MSH6: variants seen among roughly 807,000 people sequenced by gnomAD.
MSH6 encodes mutS homolog 6, also known as DNA mismatch repair protein Msh6.
Under a neutral mutation model 119.1 loss-of-function variants are expected in MSH6, and 85 were observed. That is an observed-to-expected ratio of 0.71 (90% CI 0.60 to 0.85). MSH6 has a LOEUF of 0.85. Ranked by LOEUF, MSH6 falls within the 40% of genes least tolerant of loss-of-function variation. The pLI is 0.00. For missense variants in MSH6, 2,163 were observed against 1,655.3 expected, an observed-to-expected ratio of 1.31 and a Z score of -5.32; for synonymous variants, 830 against 586.9, an observed-to-expected ratio of 1.41 and a Z score of -5.99.
At chr2:47,783,749 CT>C in intron 1 of MSH6, 1 of 393,944 alleles carries the variant, frequency 2.5e-6, no homozygotes, top group Non-Finnish European at 3.9e-6. Context: ...GAGTTCGGGC[CT>C]TTTGGAGGGA....
Position 47,792,026 on chromosome 2 carries a change from A to G in MSH6, c.457+903A>G, listed in dbSNP as rs555556080. Among the ~76,000 whole-genome samples, 133 of 152,132 alleles carry G rather than the reference A, an allele frequency of 8.7e-4. 1 individual carries two copies. Among genetic ancestry groups the G allele is most frequent in the Non-Finnish European group, 1.2e-3 (82 of 67,982 alleles). On this transcript the variant is annotated intron_variant, in intron 2 of 9. Coordinates refer to ENST00000234420, the MANE Select transcript of MSH6 (RefSeq NM_000179.3). ...CAAGCCCAGCTAATTTTTTATTTCT[A>G]GTAGAGATGGGGTTTCACCATGTTG...
Position 47,800,486 on chromosome 2 carries a change from C to A in MSH6, c.2503C>A (p.Gln835Lys), listed in dbSNP as rs63751321. ...IHNVGSPLKS[Q>K]NHPDSRAIMY... is the part of the protein sequence containing the mutation. ...TAATGTTGGGTCTCCCCTGAAGAGT[C>A]AGAACCACCCAGACAGCAGGGCTAT... Residue 835 changes from glutamine to lysine, a missense_variant, in exon 4 of 10, where the codon CAG becomes AAG. Physicochemically the swap from Gln to Lys is moderately conservative, Grantham distance 53. Coordinates refer to ENST00000234420, the MANE Select transcript of MSH6 (RefSeq NM_000179.3). 1 of 1,613,006 alleles carries A rather than the reference C, an allele frequency of 6.2e-7. No homozygotes were observed. Among genetic ancestry groups the A allele is most frequent in the Non-Finnish European group, 8.5e-7 (1 of 1,179,756 alleles).
chr2:47,798,953 A>C lies in MSH6; in HGVS notation c.970A>C (p.Lys324Gln), dbSNP rs1413266657. 8.1e-6 allele frequency: 13 copies of C among 1,614,116 alleles called. No homozygotes were observed. The Admixed American group carries it at 2.2e-4, about 27-fold the overall frequency. ...TAGGAAGGAAACGCCCTCAGCCACCAAACAAGCAACTAGCATTTCATCAGA... is the reference window on the plus strand; with the variant it reads ...TAGGAAGGAAACGCCCTCAGCCACCCAACAAGCAACTAGCATTTCATCAGA... The part of the protein sequence containing the change: ...SSRKETPSAT[K>Q]QATSISSETK... Residue 324 changes from lysine (K) to glutamine (Q), a missense_variant, in exon 4 of 10, where the codon AAA (lysine) becomes CAA (glutamine). Transcript: ENST00000234420.
rs762872662 is a variant in MSH6, at chr2:47,800,240, TCTA to T, written c.2260_2262del (p.Thr754del). 6.2e-7 allele frequency: 1 copy of T among 1,614,200 alleles called. No homozygotes were observed. The highest frequency in any genetic ancestry group is 1.1e-5 in the South Asian group (1 of 91,084). On this transcript the variant is annotated inframe_deletion, in exon 4 of 10. Transcript: ENST00000234420. The stretch of plus-strand genomic sequence containing the variant: ...GATTTTTCTGAATGGAACAAATGGT[TCTA>T]CTGAAGGAACCCTACTAGAGAGGGT...
rs749711246 is a variant in MSH6 at position 47,800,129 on chromosome 2, A to G, written c.2146A>G (p.Thr716Ala). The part of the protein sequence containing the change: ...FEEYIPLDSD[T>A]VSTTRSGAIF... ...AGAATATATTCCCTTGGATTCTGAC[A>G]CAGTCAGCACTACAAGATCTGGTGC... Residue 716 changes from threonine (T) to alanine (A), a missense_variant, in exon 4 of 10, where the codon ACA becomes GCA. Transcript: ENST00000234420. The G allele has an allele frequency of 3.7e-6, 6 of 1,614,202 alleles. No individual in the cohort carries two copies. Among genetic ancestry groups the G allele is most frequent in the African/African-American group, 2.7e-5 (2 of 75,072 alleles).
chr2:47,809,593 A>T (rs1162605531), downstream of MSH6: 2 of 1,599,050 alleles, frequency 1.3e-6, no homozygotes, highest in Non-Finnish European at 1.7e-6. Context: ...AGCAGACTCC[A>T]ACATACCTTT....
intron 4 of MSH6, among the ~76,000 whole-genome samples, chr2:47,801,639 G>C (rs1234559726): frequency 6.6e-6 from 1 of 151,602 alleles, no homozygotes; most frequent in African/African-American, 2.4e-5. Flanking sequence ...AAAGTGCTGA[G>C]GTTACAGGCA....
At chr2:47,807,663 A>G (rs889165240), downstream of MSH6, 3 of 163,318 alleles carry the variant, frequency 1.8e-5, no homozygotes, top group Non-Finnish European at 3.5e-5. Flanking sequence ...ATCTGAATAC[A>G]TGTTAAAAAA....
chr2:47,784,153 G>T lies in MSH6; in HGVS notation c.260+660G>T, dbSNP rs569776602. The T allele has an allele frequency of 3.6e-3, 3,639 of 1,005,314 alleles. 113 individuals are homozygous for T. In the African/African-American group the frequency reaches 0.058, roughly 16 times the overall value. 62.3% of individuals were successfully genotyped at this position (1,005,314 alleles called of 1,614,324 possible). ...GGCCACGAGCTGCGAGCGCGGGGGG[G>T]TGTGTCACCATGGGGACCGCGGGGC... On this transcript the variant is annotated intron_variant, in intron 1 of 9. Coordinates refer to ENST00000234420, the MANE Select transcript of MSH6 (RefSeq NM_000179.3).
chr2:47,791,172 G>A (rs755832422), intron 2 of MSH6, 49 bp downstream of exon 2: 2 of 1,549,748 alleles, frequency 1.3e-6, no homozygotes, highest in Non-Finnish European at 1.8e-6. Flanking sequence ...GTGTGTGTGT[G>A]TGTGAGAGAA....
At chr2:47,802,875 A>G (rs1186890936) in intron 4 of MSH6, among the ~76,000 whole-genome samples, 1 of 152,056 alleles carries the variant, frequency 6.6e-6, no homozygotes. Flanking sequence ...TCTGCTAAGT[A>G]AGAGGCTTAA....
At chr2:47,792,988 T>C (rs551773019) in intron 2 of MSH6, among the ~76,000 whole-genome samples, 1 of 151,846 alleles carries the variant, frequency 6.6e-6, no homozygotes, top group Non-Finnish European at 1.5e-5. Context: ...TAACTTATTT[T>C]CTGATACTGT....
downstream of MSH6, chr2:47,808,638 T>TA: frequency 2.1e-6 from 1 of 482,392 alleles, no homozygotes; most frequent in South Asian, 3.9e-5. Context: ...AAATGATTTG[T>TA]AAATTGTATA....
chr2:47,789,969 G>C (rs970411689), intron 1 of MSH6, among the ~76,000 whole-genome samples: 32 of 152,008 alleles, frequency 2.1e-4, no homozygotes, highest in African/African-American at 7.5e-4. Context: ...ACAGGTGTGA[G>C]CCATCATACC....
chr2:47,793,111 A>G (rs1201798545), intron 2 of MSH6, among the ~76,000 whole-genome samples: 3 of 151,854 alleles, frequency 2.0e-5, no homozygotes, highest in Non-Finnish European at 4.4e-5. Context: ...ACCTGAGGTC[A>G]GGAGTTCCAG....
chr2:47,800,962 A>G lies in MSH6; in HGVS notation c.2979A>G (p.Glu993=), dbSNP rs370462886. Residue 993 remains glutamate, a synonymous_variant, in exon 4 of 10, where the codon GAA becomes GAG. Transcript: ENST00000234420. ...ENFTTRNLPE[E]YELKSTKKGC... ...TCACCACTCGCAATTTGCCAGAAGA[A>G]TACGAGTTGAAATCTACCAAGAAGG... The G allele has an allele frequency of 3.8e-6, 6 of 1,564,920 alleles. No homozygotes were observed. The highest frequency in any genetic ancestry group is 5.2e-6 in the Non-Finnish European group (6 of 1,158,158).
At chr2:47,796,499 C>T (rs1300599100) in intron 3 of MSH6, among the ~76,000 whole-genome samples, 1 of 152,204 alleles carries the variant, frequency 6.6e-6, no homozygotes, top group African/African-American at 2.4e-5. Context: ...ACCTGGGCCT[C>T]CCAAAGTGTT....
Position 47,790,968 on chromosome 2 carries a change from A to G in MSH6, c.302A>G (p.Glu101Gly). Residue 101 changes from glutamate to glycine, a missense_variant, in exon 2 of 10, where the codon GAG (glutamate) becomes GGG (glycine). Physicochemically the swap from Glu to Gly is moderately conservative, Grantham distance 98. Transcript: ENST00000234420. Reference sequence around the variant, plus strand: ...GGAGATTTGGTTTGGGCCAAGATGGAGGGTTACCCCTGGTGGCCTTGTCTG... The same window carrying G: ...GGAGATTTGGTTTGGGCCAAGATGGGGGGTTACCCCTGGTGGCCTTGTCTG... The part of the protein sequence containing the change: ...SPGDLVWAKM[E>G]GYPWWPCLVY... 2 of 1,614,208 alleles carry G rather than the reference A, an allele frequency of 1.2e-6. No individual in the cohort carries two copies. Among genetic ancestry groups the G allele is most frequent in the Non-Finnish European group, 1.7e-6 (2 of 1,180,042 alleles).
At position 47,806,252 on chromosome 2, in the gene MSH6, T is replaced by C. The variant is rs786202887; in HGVS notation, c.3695T>C (p.Val1232Ala). 1 of 1,614,130 alleles carries C rather than the reference T, an allele frequency of 6.2e-7. No individual in the cohort carries two copies. The highest frequency in any genetic ancestry group is 8.5e-7 in the Non-Finnish European group (1 of 1,179,970). Residue 1232 changes from valine (V) to alanine (A), a missense_variant, in exon 8 of 10, where the codon GTT becomes GCT. Physicochemically the swap from Val to Ala is moderately conservative, Grantham distance 64. Transcript: ENST00000234420. ...FDGTAIANAVVKELAETIKCR... is the reference protein window; with the variant it reads ...FDGTAIANAVAKELAETIKCR... ...GGGACGGCAATAGCAAATGCAGTTG[T>C]TAAAGAACTTGCTGAGACTATAAAA...
Sources: gnomAD v4.1 joint callset for allele counts (sites outside exome capture counted in the v4.1 genomes callset) on GRCh38, gnomAD v4.1.1 for gene constraint, MANE v1.5 for transcripts, NCBI Gene and HGNC (gene_info 2026-07-23, HGNC 2026-07-21) for gene names.